APAF1: variants seen among roughly 807,000 people sequenced by gnomAD.
APAF1 encodes the protein apoptotic peptidase activating factor 1.
Under a neutral mutation model 152.4 loss-of-function variants are expected in APAF1, and 91 were observed. The observed-to-expected ratio is 0.60, with a 90% confidence interval of 0.50 to 0.71. The LOEUF (loss-of-function observed/expected upper bound fraction) is 0.71, where lower values mean the gene tolerates loss of function less well. Among genes scored for constraint, APAF1 ranks in the 30% least tolerant of loss-of-function variants. The pLI is 0.00. For missense variants in APAF1, 1,283 were observed against 1,472.0 expected, an observed-to-expected ratio of 0.87 and a Z score of 2.10; for synonymous variants, 484 against 494.1, an observed-to-expected ratio of 0.98 and a Z score of 0.27.
intron 22 of APAF1, among the ~76,000 whole-genome samples, chr12:98,718,715 T>C (rs1311013267): frequency 6.6e-6 from 1 of 152,004 alleles, no homozygotes; most frequent in African/African-American, 2.4e-5. Flanking sequence ...GTGGGAGGAT[T>C]GCTTGAGGCA....
chr12:98,671,600 G>T lies in APAF1; in HGVS notation c.1674G>T (p.Gln558His), dbSNP rs1265305842. ...LSLNGHLLGR[Q>H]PFPNIVQLGL... ...TAAATGGACACCTTCTTGGACGACAGCCATTTCCTAATATTGTACAACTGG... is the reference window on the plus strand; with the variant it reads ...TAAATGGACACCTTCTTGGACGACATCCATTTCCTAATATTGTACAACTGG... Residue 558 changes from glutamine to histidine, a missense_variant, in exon 12 of 27, where the codon CAG becomes CAT. Physicochemically the swap from Gln to His is conservative, Grantham distance 24. Coordinates refer to ENST00000551964, the MANE Select transcript of APAF1 (RefSeq NM_181861.2). The T allele has an allele frequency of 6.2e-7, 1 of 1,613,994 alleles. No homozygotes were observed. Among genetic ancestry groups the T allele is most frequent in the Non-Finnish European group, 8.5e-7 (1 of 1,179,980 alleles).
chr12:98,647,121 T>A (rs940692111), intron 1 of APAF1, among the ~76,000 whole-genome samples: 3 of 151,886 alleles, frequency 2.0e-5, no homozygotes, highest in African/African-American at 7.3e-5. Context: ...CTAAAAAAAA[T>A]TGACAGTAGA....
At chr12:98,694,870 A>G (rs1445407660) in intron 16 of APAF1, among the ~76,000 whole-genome samples, 4 of 147,238 alleles carry the variant, frequency 2.7e-5, no homozygotes, top group African/African-American at 1.0e-4. Context: ...TGTTTTTATC[A>G]TGAACAATTT....
At chr12:98,715,004 G>A (rs1593103560) in intron 21 of APAF1, among the ~76,000 whole-genome samples, 1 of 144,316 alleles carries the variant, frequency 6.9e-6, no homozygotes, top group South Asian at 2.2e-4. Flanking sequence ...TGTTTGTGTT[G>A]TTTTATGAAT....
At chr12:98,681,686 C>CAACA (rs2097692379) in intron 14 of APAF1, among the ~76,000 whole-genome samples, 1 of 152,148 alleles carries the variant, frequency 6.6e-6, no homozygotes, top group Non-Finnish European at 1.5e-5. Flanking sequence ...GTGGCTTAAC[C>CAACA]AACAGTTAAT....
In APAF1 at chr12:98,698,260, C is replaced by A. The variant is rs368109498; in HGVS notation, c.2305-1148C>A. On this transcript the variant is annotated intron_variant, in intron 16 of 26. Coordinates refer to ENST00000551964, the MANE Select transcript of APAF1 (RefSeq NM_181861.2). The stretch of plus-strand genomic sequence containing the variant: ...AACAGATGAGGTCTCACTGTGTTGC[C>A]CAGGCTGGTCTTGAACTCCTGGGCT... 5.8e-4 allele frequency among the ~76,000 whole-genome samples: 88 copies of A among 152,036 alleles called. 1 individual carries two copies. The highest frequency in any genetic ancestry group is 1.6e-3 in the African/African-American group (68 of 41,448).
chr12:98,693,871 G>T (rs2097707056), intron 16 of APAF1, among the ~76,000 whole-genome samples: 1 of 149,012 alleles, frequency 6.7e-6, no homozygotes, highest in African/African-American at 2.5e-5. Flanking sequence ...TCCTAAGAAA[G>T]AATCTATGGG....
chr12:98,706,370 C>G, intron 18 of APAF1, 115 bp from the exon 19 acceptor site: 1 of 1,017,390 alleles, frequency 9.8e-7, no homozygotes, highest in Non-Finnish European at 1.6e-6. Context: ...TAGTGTGTTT[C>G]TGAGCAATAT....
chr12:98,683,021 A>G lies in APAF1; in HGVS notation c.2047-122A>G, dbSNP rs1178484709. On this transcript the variant is annotated intron_variant, in intron 14 of 26. Transcript: ENST00000551964. Reference sequence around the variant, plus strand: ...AGAGGTTTCATTAGCATCTTGTCCAACTAGGAAAATCTGCTATGACAGGAT... The same window carrying G: ...AGAGGTTTCATTAGCATCTTGTCCAGCTAGGAAAATCTGCTATGACAGGAT... The G allele has an allele frequency of 8.8e-6, 7 of 796,218 alleles. No individual in the cohort carries two copies. The East Asian group carries it at 1.3e-4, about 15-fold the overall frequency. 49.3% of individuals were successfully genotyped at this position (796,218 alleles called of 1,614,324 possible).
chr12:98,706,465 A>G lies in APAF1; in HGVS notation c.2596-20A>G, dbSNP rs2097721505. 1 of 1,613,580 alleles carries G rather than the reference A, an allele frequency of 6.2e-7. No homozygotes were observed. Among genetic ancestry groups the G allele is most frequent in the Admixed American group, 1.7e-5 (1 of 59,990 alleles). On this transcript the variant is annotated intron_variant, in intron 18 of 26. Transcript: ENST00000551964. ...AATGCTTATGTATGTGATTTCCTAT[A>G]TGCTGTGTTTATTCTGTAGTTGTGG... is the stretch of plus-strand genomic sequence containing the variant.
At chr12:98,653,231 A>G (rs1483283046) in intron 4 of APAF1, among the ~76,000 whole-genome samples, 2 of 152,198 alleles carry the variant, frequency 1.3e-5, no homozygotes, top group African/African-American at 2.4e-5. Flanking sequence ...GATTTTTGAC[A>G]TTTAATTGTA....
At chr12:98,689,226 C>T (rs772239949) in intron 16 of APAF1, among the ~76,000 whole-genome samples, 6 of 152,162 alleles carry the variant, frequency 3.9e-5, no homozygotes, top group Non-Finnish European at 8.8e-5. Context: ...ACATCCTTTC[C>T]TGTCAAGTTT....
intron 4 of APAF1, among the ~76,000 whole-genome samples, chr12:98,652,457 T>C (rs373420202): frequency 6.6e-6 from 1 of 152,164 alleles, no homozygotes; most frequent in African/African-American, 2.4e-5. Context: ...AGTTTGAACA[T>C]TTCTTCATAA....
intron 22 of APAF1, among the ~76,000 whole-genome samples, chr12:98,716,143 ACTTTTAG>A (rs2097734465): frequency 6.6e-6 from 1 of 152,190 alleles, no homozygotes; most frequent in South Asian, 2.1e-4. Context: ...CAGAGGCACC[ACTTTTAG>A]CTTTTAGATG....
chr12:98,680,914 T>C (rs1456938011), intron 14 of APAF1, among the ~76,000 whole-genome samples: 1 of 152,244 alleles, frequency 6.6e-6, no homozygotes, highest in Non-Finnish European at 1.5e-5. Context: ...GGATTCCTGT[T>C]GTAAGATACA....
At chr12:98,665,297 A>G (rs1476621326) in intron 7 of APAF1, among the ~76,000 whole-genome samples, 1 of 98,988 alleles carries the variant, frequency 1.0e-5, no homozygotes, top group Non-Finnish European at 2.1e-5. Flanking sequence ...TTTTTTTGTA[A>G]TGACATCTTA....
chr12:98,646,196 T>C (rs537707937), intron 1 of APAF1, among the ~76,000 whole-genome samples: 4 of 152,354 alleles, frequency 2.6e-5, no homozygotes, highest in Admixed American at 2.6e-4. Context: ...GAGTGTCTTA[T>C]TTGCTTAGCT....
At chr12:98,656,155 T>C (rs1490806343) in intron 4 of APAF1, among the ~76,000 whole-genome samples, 1 of 152,098 alleles carries the variant, frequency 6.6e-6, no homozygotes, top group Non-Finnish European at 1.5e-5. Flanking sequence ...CTCGAAATTC[T>C]GGGCTCAAGC....
chr12:98,706,434 C>T lies in APAF1; in HGVS notation c.2596-51C>T, dbSNP rs2097721469. The T allele has an allele frequency of 3.7e-6, 6 of 1,607,650 alleles. No homozygotes were observed. In the East Asian group the frequency reaches 8.9e-5, roughly 24 times the overall value. On this transcript the variant is annotated intron_variant, in intron 18 of 26. Coordinates refer to ENST00000551964, the MANE Select transcript of APAF1 (RefSeq NM_181861.2). Reference sequence around the variant, plus strand: ...TTGCTATTTTCAATATTTTTGCTCTCTTCAAAATGCTTATGTATGTGATTT... The same window carrying T: ...TTGCTATTTTCAATATTTTTGCTCTTTTCAAAATGCTTATGTATGTGATTT...
Sources: gnomAD v4.1 joint callset for allele counts (sites outside exome capture counted in the v4.1 genomes callset) on GRCh38, gnomAD v4.1.1 for gene constraint, MANE v1.5 for transcripts, NCBI Gene and HGNC (gene_info 2026-07-23, HGNC 2026-07-21) for gene names.